Variants in HEMK2 observed in about 807,000 individuals in gnomAD.
HEMK2 encodes the protein HemK methyltransferase 2, ETF1 glutamine and histone H4 lysine.
chr21:28,802,536 T>C, the HEMK2 span, among the ~76,000 whole-genome samples: 1 of 152,058 alleles, frequency 6.6e-6, no homozygotes, highest in Non-Finnish European at 1.5e-5. Context: ...AAGACCAGCC[T>C]GGCCAAAATA....
the HEMK2 span, among the ~76,000 whole-genome samples, chr21:28,879,328 C>T: frequency 6.9e-4 from 105 of 152,130 alleles, no homozygotes; most frequent in African/African-American, 2.4e-3. Context: ...CTGCAAGCTC[C>T]GCCTCCAGGG....
At chr21:28,769,268 G>A in the HEMK2 span, among the ~76,000 whole-genome samples, 29 of 152,150 alleles carry the variant, frequency 1.9e-4, no homozygotes, top group African/African-American at 6.3e-4. Context: ...CCTAGATGAT[G>A]TGTAAGTATT....
At chr21:28,780,706 T>G in the HEMK2 span, among the ~76,000 whole-genome samples, 2 of 152,234 alleles carry the variant, frequency 1.3e-5, no homozygotes, top group African/African-American at 2.4e-5. Flanking sequence ...AGACCCAATG[T>G]CTATGAAATA....
chr21:28,599,783 A>C, the HEMK2 span, among the ~76,000 whole-genome samples: 2 of 152,262 alleles, frequency 1.3e-5, no homozygotes, highest in African/African-American at 4.8e-5. Context: ...TCCTAGATAC[A>C]ATGGGGGTAC....
chr21:28,873,403 C>G, the HEMK2 span: 1 of 152,336 alleles, frequency 6.6e-6, no homozygotes, highest in East Asian at 1.9e-4. Context: ...TTATGACAAT[C>G]ACAGTCTGTG....
the HEMK2 span, among the ~76,000 whole-genome samples, chr21:28,829,585 G>A: frequency 6.6e-6 from 1 of 152,106 alleles, no homozygotes; most frequent in East Asian, 1.9e-4. Context: ...ATAAATTTCT[G>A]TTCATTACAA....
chr21:28,763,493 C>G, the HEMK2 span, among the ~76,000 whole-genome samples: 1 of 152,020 alleles, frequency 6.6e-6, no homozygotes. Context: ...GAGATCAGAC[C>G]CCACGATCCA....
the HEMK2 span, among the ~76,000 whole-genome samples, chr21:28,690,491 G>A: frequency 6.6e-6 from 1 of 152,250 alleles, no homozygotes; most frequent in Non-Finnish European, 1.5e-5. Flanking sequence ...ACAGAACCAT[G>A]AGAAAATAAA....
chr21:28,876,757 A>C, the HEMK2 span, among the ~76,000 whole-genome samples: 1 of 152,082 alleles, frequency 6.6e-6, no homozygotes, highest in Non-Finnish European at 1.5e-5. Context: ...CAGAAACATT[A>C]ATTGTCATTG....
the HEMK2 span, chr21:28,879,957 A>C: frequency 6.3e-7 from 1 of 1,576,256 alleles, no homozygotes; most frequent in Non-Finnish European, 8.6e-7. Context: ...CTTTGACCTA[A>C]ATGTATTCAA....
the HEMK2 span, among the ~76,000 whole-genome samples, chr21:28,600,001 CA>C: frequency 6.6e-6 from 1 of 152,222 alleles, no homozygotes; most frequent in Non-Finnish European, 1.5e-5. Flanking sequence ...TGTGGCTTTG[CA>C]GTGTACAGCT....
At chr21:28,577,648 GCTA>G in the HEMK2 span, among the ~76,000 whole-genome samples, 1 of 152,090 alleles carries the variant, frequency 6.6e-6, no homozygotes, top group Non-Finnish European at 1.5e-5. Context: ...AGGTTTCCCA[GCTA>G]CATTTGAATT....
At chr21:28,880,925 A>AT in the HEMK2 span, among the ~76,000 whole-genome samples, 2 of 112,416 alleles carry the variant, frequency 1.8e-5, no homozygotes, top group Admixed American at 9.4e-5. Context: ...AAAATCATTT[A>AT]TTTAAAAAAA....
the HEMK2 span, among the ~76,000 whole-genome samples, chr21:28,618,051 G>T: frequency 6.6e-6 from 1 of 152,156 alleles, no homozygotes; most frequent in African/African-American, 2.4e-5. Flanking sequence ...AACTCCCAAA[G>T]GGCTGAGGTT....
chr21:28,797,678 A>G, the HEMK2 span, among the ~76,000 whole-genome samples: 2 of 152,102 alleles, frequency 1.3e-5, no homozygotes, highest in South Asian at 2.1e-4. Context: ...AAAAGATGGG[A>G]AAAAAATAAC....
At chr21:28,841,200 T>TA in the HEMK2 span, among the ~76,000 whole-genome samples, 1 of 4,968 alleles carries the variant, frequency 2.0e-4, no homozygotes, top group Non-Finnish European at 2.7e-4. Flanking sequence ...AATATATATA[T>TA]TATATAATAT....
chr21:28,660,189 A>C, the HEMK2 span, among the ~76,000 whole-genome samples: 2 of 151,884 alleles, frequency 1.3e-5, no homozygotes, highest in African/African-American at 4.8e-5. Flanking sequence ...CAATTCTCAT[A>C]ATTTATCACT....
chr21:28,697,262 T>C, the HEMK2 span, among the ~76,000 whole-genome samples: 754 of 152,282 alleles, frequency 5.0e-3, 6 homozygotes, highest in African/African-American at 0.017. Flanking sequence ...TGCTTAGAAA[T>C]TTCTTTCCCC....
the HEMK2 span, among the ~76,000 whole-genome samples, chr21:28,715,021 T>C: frequency 5.3e-5 from 8 of 152,196 alleles, no homozygotes; most frequent in Admixed American, 6.5e-5. Flanking sequence ...TGTACCACAT[T>C]TTCTTTATCC....
Sources: allele counts gnomAD v4.1 joint callset (sites outside exome capture counted in the v4.1 genomes callset), GRCh38; gene constraint gnomAD v4.1.1; transcripts MANE v1.5; gene names NCBI Gene and HGNC (gene_info 2026-07-23, HGNC 2026-07-21).